The following PARN variants were observed in gnomAD, a reference collection of about 807,000 sequenced individuals.
PARN encodes the protein poly(A)-specific ribonuclease PARN.
A neutral mutation model predicts 102.8 loss-of-function variants in PARN; 71 were observed. The observed-to-expected ratio is 0.69, with a 90% CI of 0.57 to 0.84. PARN has a LOEUF of 0.84. Among genes scored for constraint, PARN ranks in the 40% least tolerant of loss-of-function variants. PARN has a pLI of 0.00. For missense variants in PARN, 782 were observed against 760.9 expected (o/e 1.03, Z -0.33); for synonymous variants, 261 against 252.9 (o/e 1.03, Z -0.30).
intron 21 of PARN, among the ~76,000 whole-genome samples, chr16:14,537,972 A>G (rs190533704): frequency 2.8e-3 from 426 of 152,324 alleles, no homozygotes; most frequent in Non-Finnish European, 5.1e-3. Flanking sequence ...ACTATAATAC[A>G]TCTTTGACAT....
chr16:14,555,233 T>C (rs1477325276), intron 19 of PARN, among the ~76,000 whole-genome samples: 3 of 152,160 alleles, frequency 2.0e-5, no homozygotes, highest in Non-Finnish European at 4.4e-5. Context: ...TTCCACGTTT[T>C]TTAAATAAAA....
At chr16:14,467,941 G>GT (rs904721998) in intron 22 of PARN, among the ~76,000 whole-genome samples, 12 of 152,302 alleles carry the variant, frequency 7.9e-5, no homozygotes, top group African/African-American at 2.9e-4. Context: ...TTATTTAAAC[G>GT]TTTTTCCAAG....
At chr16:14,536,547 T>C (rs1966613951) in intron 21 of PARN, among the ~76,000 whole-genome samples, 1 of 152,228 alleles carries the variant, frequency 6.6e-6, no homozygotes, top group Admixed American at 6.5e-5. Context: ...GTACCTGCTT[T>C]CTAAAGTGTG....
intron 5 of PARN, among the ~76,000 whole-genome samples, chr16:14,619,077 T>A (rs1972117488): frequency 6.6e-6 from 1 of 151,874 alleles, no homozygotes; most frequent in Non-Finnish European, 1.5e-5. Flanking sequence ...ATGCCTGCAG[T>A]CCCAGCTACC....
intron 21 of PARN, among the ~76,000 whole-genome samples, chr16:14,545,903 C>T (rs995426788): frequency 1.3e-5 from 2 of 152,042 alleles, no homozygotes; most frequent in Non-Finnish European, 2.9e-5. Context: ...CAATCACATA[C>T]GGTTCTAGCT....
At chr16:14,528,271 G>A (rs1013796942) in intron 21 of PARN, among the ~76,000 whole-genome samples, 5 of 152,172 alleles carry the variant, frequency 3.3e-5, no homozygotes, top group African/African-American at 1.2e-4. Flanking sequence ...TACTGAAGTG[G>A]GACCCCCACA....
chr16:14,567,133 G>A lies in PARN; in HGVS notation c.1263-11424C>T, dbSNP rs118094897. 2.6e-3 allele frequency among the ~76,000 whole-genome samples: 401 copies of A among 152,246 alleles called. 3 individuals carry two copies. Among genetic ancestry groups the A allele is most frequent in the Non-Finnish European group, 4.9e-3 (330 of 68,026 alleles). The stretch of plus-strand genomic sequence containing the variant: ...AGATTCTTTTTATCATGGTAACTTG[G>A]GGAGCCAAAAACGAAATAAACAAGA... On this transcript the variant is annotated intron_variant, in intron 18 of 23. Coordinates refer to ENST00000437198, the MANE Select transcript of PARN (RefSeq NM_002582.4).
At chr16:14,599,669 C>A (rs944191286) in intron 12 of PARN, among the ~76,000 whole-genome samples, 1 of 152,020 alleles carries the variant, frequency 6.6e-6, no homozygotes, top group Non-Finnish European at 1.5e-5. Context: ...CATAGTGTAA[C>A]CCTCCTATGC....
At chr16:14,545,641 C>T (rs534381869) in intron 21 of PARN, among the ~76,000 whole-genome samples, 10 of 152,272 alleles carry the variant, frequency 6.6e-5, no homozygotes, top group South Asian at 2.1e-4. Flanking sequence ...AAGGCCTGTG[C>T]GCCCACAGAG....
At chr16:14,564,467 C>T (rs1968303453) in intron 18 of PARN, among the ~76,000 whole-genome samples, 1 of 152,212 alleles carries the variant, frequency 6.6e-6, no homozygotes, top group Non-Finnish European at 1.5e-5. Flanking sequence ...CTTCCCACGA[C>T]TGTAGTGCAA....
intron 21 of PARN, among the ~76,000 whole-genome samples, chr16:14,525,308 T>C (rs1965938449): frequency 6.6e-6 from 1 of 152,218 alleles, no homozygotes; most frequent in Admixed American, 6.5e-5. Context: ...GATGCCTAGT[T>C]TGAAGTTGTC....
chr16:14,624,908 G>A (rs1035509978), intron 5 of PARN, among the ~76,000 whole-genome samples: 10 of 152,100 alleles, frequency 6.6e-5, no homozygotes, highest in South Asian at 4.2e-4. Flanking sequence ...AAAATAAGCC[G>A]GCGTGATGGT....
chr16:14,556,132 G>T (rs1218892363), intron 18 of PARN, among the ~76,000 whole-genome samples: 1 of 145,310 alleles, frequency 6.9e-6, no homozygotes, highest in Non-Finnish European at 1.5e-5. Context: ...ACCACATCTG[G>T]CTTTATAATT....
intron 21 of PARN, among the ~76,000 whole-genome samples, chr16:14,489,096 T>C: frequency 6.6e-6 from 1 of 152,014 alleles, no homozygotes. Flanking sequence ...CACACATACA[T>C]ACACACATGG....
At chr16:14,551,696 TATTA>T (rs1967313345) in intron 21 of PARN, among the ~76,000 whole-genome samples, 1 of 152,220 alleles carries the variant, frequency 6.6e-6, no homozygotes. Context: ...TCAATGTAAG[TATTA>T]ATTTATTACA....
intron 22 of PARN, among the ~76,000 whole-genome samples, chr16:14,477,579 C>T (rs1963136408): frequency 6.6e-6 from 1 of 151,838 alleles, no homozygotes; most frequent in Admixed American, 6.6e-5. Context: ...AGTTCGAGAC[C>T]ATCCTGGCCA....
In PARN at chr16:14,590,653, A is replaced by G. The variant is rs202041785; in HGVS notation, c.918+2648T>C. 7.9e-4 allele frequency among the ~76,000 whole-genome samples: 120 copies of G among 151,034 alleles called. 2 individuals carry two copies. The East Asian group carries it at 0.018, about 22-fold the overall frequency. ...CAGTCTCAAAAAAAAAAAAAAAAAAAGAAATGCAATTCCATACCTTTTACA... is the reference window on the plus strand; with the variant it reads ...CAGTCTCAAAAAAAAAAAAAAAAAAGGAAATGCAATTCCATACCTTTTACA... On this transcript the variant is annotated intron_variant, in intron 13 of 23. Coordinates refer to ENST00000437198, the MANE Select transcript of PARN (RefSeq NM_002582.4).
chr16:14,610,245 G>A (rs1182016900), intron 7 of PARN, among the ~76,000 whole-genome samples: 1 of 152,072 alleles, frequency 6.6e-6, no homozygotes, highest in Non-Finnish European at 1.5e-5. Context: ...GGCTGAGGCG[G>A]GCAGATCACT....
intron 21 of PARN, among the ~76,000 whole-genome samples, chr16:14,488,191 GA>G (rs915685029): frequency 3.9e-4 from 58 of 150,414 alleles, no homozygotes; most frequent in Admixed American, 7.3e-4. Flanking sequence ...CCATGGGGGG[GA>G]AAAAAAAAGA....
Sources: gnomAD v4.1 joint callset for allele counts (sites outside exome capture counted in the v4.1 genomes callset) on GRCh38, gnomAD v4.1.1 for gene constraint, MANE v1.5 for transcripts, NCBI Gene and HGNC (gene_info 2026-07-23, HGNC 2026-07-21) for gene names.